The following AMD1 variants were observed in gnomAD, a reference collection of about 807,000 sequenced individuals.
AMD1 encodes S-adenosylmethionine decarboxylase proenzyme.
Under a neutral mutation model 40.2 loss-of-function variants are expected in AMD1, and 11 were observed. The ratio of observed to expected loss-of-function variants is 0.27; its 90% CI spans 0.17 to 0.45. The LOEUF is 0.45. Ranked by LOEUF, AMD1 falls within the 20% of genes least tolerant of loss-of-function variation. The pLI is 1.00. For missense variants in AMD1, 257 were observed against 410.2 expected (o/e 0.63, Z 3.23); for synonymous variants, 121 against 130.8 (o/e 0.93, Z 0.51).
At chr6:110,878,659 G>A (rs943004523) in intron 1 of AMD1, among the ~76,000 whole-genome samples, 2 of 152,250 alleles carry the variant, frequency 1.3e-5, no homozygotes, top group Non-Finnish European at 2.9e-5. Context: ...TTAGTTGTTG[G>A]ATCAAAGTGC....
chr6:110,851,493 T>TA, the AMD1 span, among the ~76,000 whole-genome samples: 46 of 149,212 alleles, frequency 3.1e-4, no homozygotes, highest in Non-Finnish European at 6.4e-4. Flanking sequence ...TATGGAATGT[T>TA]ACTCTGTCGC....
the AMD1 span, among the ~76,000 whole-genome samples, chr6:110,829,626 G>T: frequency 2.0e-5 from 3 of 151,246 alleles, no homozygotes; most frequent in Non-Finnish European, 4.4e-5. Flanking sequence ...CTGAGATCGT[G>T]CCACTGCACT....
At chr6:110,822,547 A>T in the AMD1 span, among the ~76,000 whole-genome samples, 2 of 152,210 alleles carry the variant, frequency 1.3e-5, no homozygotes, top group Non-Finnish European at 2.9e-5. Context: ...TCCCCAACTC[A>T]TTCTATGAAG....
At chr6:110,848,556 T>G in the AMD1 span, 1 of 388,742 alleles carries the variant, frequency 2.6e-6, no homozygotes, top group South Asian at 2.7e-5. Context: ...TGCACTTATG[T>G]ATGTTTTTGT....
chr6:110,841,381 G>A, the AMD1 span, among the ~76,000 whole-genome samples: 1 of 152,172 alleles, frequency 6.6e-6, no homozygotes, highest in Non-Finnish European at 1.5e-5. Flanking sequence ...TAGATATAAG[G>A]GAATAAGTAC....
chr6:110,846,196 G>A, the AMD1 span, among the ~76,000 whole-genome samples: 66 of 152,196 alleles, frequency 4.3e-4, no homozygotes, highest in African/African-American at 1.3e-3. Context: ...CTGAGATCGC[G>A]CCACTGCACT....
intron 1 of AMD1, among the ~76,000 whole-genome samples, chr6:110,876,430 C>CGTTTTAGGAGTGTTAGCT (rs1466423514): frequency 6.6e-6 from 1 of 152,178 alleles, no homozygotes; most frequent in Non-Finnish European, 1.5e-5. Flanking sequence ...GACCAATGGG[C>CGTTTTAGGAGTGTTAGCT]GTTTTAGGAG....
chr6:110,857,689 A>G, the AMD1 span, among the ~76,000 whole-genome samples: 1 of 146,808 alleles, frequency 6.8e-6, no homozygotes, highest in Non-Finnish European at 1.5e-5. Context: ...ATATATATAT[A>G]CAGATGGCAT....
chr6:110,815,306 C>T, the AMD1 span: 4 of 669,830 alleles, frequency 6.0e-6, no homozygotes, highest in Non-Finnish European at 8.7e-6. Context: ...AGGGACTCCT[C>T]GGCGGCCACA....
chr6:110,827,726 C>T, the AMD1 span, among the ~76,000 whole-genome samples: 3 of 148,224 alleles, frequency 2.0e-5, no homozygotes, highest in African/African-American at 7.5e-5. Context: ...GATCGTGCCA[C>T]TGCACTCCAG....
chr6:110,862,157 T>A, the AMD1 span, among the ~76,000 whole-genome samples: 1 of 151,492 alleles, frequency 6.6e-6, no homozygotes, highest in East Asian at 2.0e-4. Context: ...TACAGGCAGG[T>A]GCCACCATAC....
At chr6:110,816,722 T>C in the AMD1 span, among the ~76,000 whole-genome samples, 6 of 152,132 alleles carry the variant, frequency 3.9e-5, no homozygotes, top group African/African-American at 1.4e-4. Flanking sequence ...TTATCCTCTC[T>C]TAACTTGTCT....
chr6:110,861,196 T>A, the AMD1 span, among the ~76,000 whole-genome samples: 16 of 151,490 alleles, frequency 1.1e-4, no homozygotes, highest in Admixed American at 3.3e-4. Flanking sequence ...GTCTCTACTA[T>A]AAACACAAAA....
chr6:110,853,490 G>A, the AMD1 span, among the ~76,000 whole-genome samples: 1 of 152,012 alleles, frequency 6.6e-6, no homozygotes, highest in Admixed American at 6.6e-5. Flanking sequence ...GTATTTTTTA[G>A]TAGAGACAGG....
At chr6:110,886,028 G>GCGGAT (rs1785662631) in intron 1 of AMD1, among the ~76,000 whole-genome samples, 1 of 152,118 alleles carries the variant, frequency 6.6e-6, no homozygotes, top group African/African-American at 2.4e-5. Context: ...GCCGAGGCAG[G>GCGGAT]CGGATCACCT....
At chr6:110,829,530 G>A in the AMD1 span, among the ~76,000 whole-genome samples, 4,088 of 151,280 alleles carry the variant, frequency 0.027, 121 homozygotes, top group African/African-American at 0.082. Flanking sequence ...TTAGCCAGGC[G>A]AGGTGGCAGG....
the AMD1 span, chr6:110,864,527 G>C: frequency 0.036 from 5,455 of 152,498 alleles, 377 homozygotes; most frequent in East Asian, 0.34. Context: ...ATCTTACTAT[G>C]AGCAGTAAAC....
chr6:110,888,725 T>G, intron 2 of AMD1, 132 bp from the exon 3 acceptor site: 2 of 828,908 alleles, frequency 2.4e-6, no homozygotes, highest in Non-Finnish European at 3.7e-6. Flanking sequence ...AAGAATAATG[T>G]GTTACTTGCT....
At chr6:110,840,013 C>CTTTTT in the AMD1 span, among the ~76,000 whole-genome samples, 8 of 92,848 alleles carry the variant, frequency 8.6e-5, no homozygotes, top group Non-Finnish European at 1.3e-4. Context: ...GATTCTCTCT[C>CTTTTT]TTTTTTTTTT....
Sources: gnomAD v4.1 joint callset for allele counts (sites outside exome capture counted in the v4.1 genomes callset) on GRCh38, gnomAD v4.1.1 for gene constraint, MANE v1.5 for transcripts, NCBI Gene and HGNC (gene_info 2026-07-23, HGNC 2026-07-21) for gene names.